BCL9L: variants seen among roughly 807,000 people sequenced by gnomAD.
BCL9L encodes BCL9 like, also known as B-cell CLL/lymphoma 9-like protein.
BCL9L carries 19 observed loss-of-function variants against 99.4 expected under a neutral mutation model. The observed-to-expected ratio is 0.19, with a 90% CI of 0.13 to 0.28. The LOEUF (loss-of-function observed/expected upper bound fraction) is 0.28. Ranked by LOEUF, BCL9L falls within the 10% of genes least tolerant of loss-of-function variation. The probability of loss-of-function intolerance (pLI) is 1.00; values close to 1 mark genes in which losing one functional copy is unlikely to be tolerated. For synonymous variants in BCL9L, 900 were observed against 854.8 expected (o/e 1.05, Z -0.92); for missense variants, 2,023 against 2,101.6 (o/e 0.96, Z 0.73).
intron 1 of BCL9L, among the ~76,000 whole-genome samples, chr11:118,923,568 G>A (rs983634699): frequency 6.6e-6 from 1 of 152,134 alleles, no homozygotes; most frequent in East Asian, 1.9e-4. Flanking sequence ...GACTCATTCT[G>A]AACCTCCATA....
intron 2 of BCL9L, among the ~76,000 whole-genome samples, chr11:118,912,820 GC>G (rs1940848543): frequency 6.6e-6 from 1 of 152,162 alleles, no homozygotes; most frequent in Non-Finnish European, 1.5e-5. Flanking sequence ...AGCTGCCAGG[GC>G]CCCCTGTGAT....
chr11:118,924,762 C>T (rs1941238706), intron 1 of BCL9L, among the ~76,000 whole-genome samples: 1 of 152,206 alleles, frequency 6.6e-6, no homozygotes, highest in South Asian at 2.1e-4. Context: ...CAGTCACAGC[C>T]CCCGCTACTC....
Position 118,903,526 on chromosome 11 carries a change from T to A in BCL9L, c.533-74A>T. 6.8e-7 allele frequency: 1 copy of A among 1,478,328 alleles called. No homozygotes were observed. 91.6% of individuals were successfully genotyped at this position (1,478,328 alleles called of 1,614,324 possible). A position where few individuals can be genotyped will look rare whatever the true frequency, so the allele number is the denominator to read the frequency against. On this transcript the variant is annotated intron_variant, in intron 5 of 9. Coordinates refer to ENST00000683865, the MANE Select transcript of BCL9L (RefSeq NM_001378213.1). This position sits in a 1 kb window ranked among gnomAD's most constrained non-coding sequence, Gnocchi z 5.6. ...AGGACCAGCTGATGCCCCCTCCCAC[T>A]GATGCTCACAGCCTTACAGCTCGTG...
rs538998930 is a variant in BCL9L at position 118,908,264 on chromosome 11, G to A, written c.412+6C>T. ...CTAGGGTCTTAGGGATGAGGAAATG[G>A]GGTACCTTTGGCCTCTGAATCCAGG... On this transcript the variant is annotated splice_donor_region_variant and intron_variant, in intron 4 of 9. Transcript: ENST00000683865. 20 of 1,538,190 alleles carry A rather than the reference G, an allele frequency of 1.3e-5. No homozygotes were observed. The South Asian group carries it at 2.6e-4, about 20-fold the overall frequency.
Position 118,908,446 on chromosome 11 carries a change from T to G in BCL9L, c.236A>C (p.Asn79Thr). The G allele has an allele frequency of 6.2e-7, 1 of 1,613,966 alleles. No individual in the cohort carries two copies. The highest frequency in any genetic ancestry group is 8.5e-7 in the Non-Finnish European group (1 of 1,179,914). Residue 79 changes from asparagine to threonine, a missense_variant, in exon 4 of 10, where the codon AAC (asparagine) becomes ACC (threonine). Transcript: ENST00000683865. Reference protein sequence around the residue: ...NVGSKGVGAGNHGAKANQISP... With the variant: ...NVGSKGVGAGTHGAKANQISP... ...GATCTGGTTGGCCTTGGCCCCATGG[T>G]TCCCCGCCCCCACGCCCTTCGAGCC...
In BCL9L at chr11:118,922,923, T is replaced by TG. The variant is rs1313353225; in HGVS notation, c.-131+2314dup. 6.6e-6 allele frequency among the ~76,000 whole-genome samples: 1 copy of TG among 152,036 alleles called. No individual in the cohort carries two copies. The highest frequency in any genetic ancestry group is 1.5e-5 in the Non-Finnish European group (1 of 67,944). The stretch of plus-strand genomic sequence containing the variant: ...TCTGATTCTGGGAAGACTGGAAACT[T>TG]GAACACCCCAGCTCTCCAGAGCTGT... On this transcript the variant is annotated intron_variant, in intron 1 of 9. Transcript: ENST00000683865. The surrounding 1 kb of genome is among the most constrained non-coding windows in gnomAD (Gnocchi z 6.2).
At chr11:118,917,490 A>G (rs575719864) in intron 2 of BCL9L, among the ~76,000 whole-genome samples, 1 of 152,296 alleles carries the variant, frequency 6.6e-6, no homozygotes, top group South Asian at 2.1e-4. Flanking sequence ...ATAATTTTAG[A>G]AGAAGCAGGA....
chr11:118,902,650 G>A lies in BCL9L; in HGVS notation c.1093C>T (p.Leu365=). 6.3e-7 allele frequency: 1 copy of A among 1,599,804 alleles called. No individual in the cohort carries two copies. Among genetic ancestry groups the A allele is most frequent in the East Asian group, 2.2e-5 (1 of 44,852 alleles). ...TPTATTANNP[L]PPGGDPSSAP... ...CTGCTGGGGTCTCCTCCAGGAGGCAGAGGGTTGTTGGCGGTGGTAGCCGTC... is the reference window on the plus strand; with the variant it reads ...CTGCTGGGGTCTCCTCCAGGAGGCAAAGGGTTGTTGGCGGTGGTAGCCGTC... Residue 365 remains leucine (L), a synonymous_variant, in exon 8 of 10, where the codon CTG becomes TTG. Coordinates refer to ENST00000683865, the MANE Select transcript of BCL9L (RefSeq NM_001378213.1). This position sits in a 1 kb window ranked among gnomAD's most constrained non-coding sequence, Gnocchi z 7.8.
chr11:118,905,328 G>C (rs1316466029), intron 5 of BCL9L, among the ~76,000 whole-genome samples: 5 of 152,014 alleles, frequency 3.3e-5, no homozygotes, highest in African/African-American at 1.2e-4. Context: ...GGCCATAATG[G>C]TGAAACTCCA....
chr11:118,919,032 T>C (rs560844487), intron 1 of BCL9L, among the ~76,000 whole-genome samples, 153 bp from the exon 2 acceptor site: 4 of 144,376 alleles, frequency 2.8e-5, no homozygotes, highest in African/African-American at 1.0e-4. Flanking sequence ...AGCTACTCAA[T>C]TGCCACCCCC....
intron 2 of BCL9L, among the ~76,000 whole-genome samples, chr11:118,917,200 T>A (rs949005929): frequency 6.6e-6 from 1 of 152,048 alleles, no homozygotes; most frequent in African/African-American, 2.4e-5. Flanking sequence ...AGGCTGTCTC[T>A]TCCCCACCCC....
intron 2 of BCL9L, among the ~76,000 whole-genome samples, chr11:118,915,490 C>A (rs909828902): frequency 4.6e-5 from 7 of 152,276 alleles, no homozygotes; most frequent in African/African-American, 1.7e-4. Context: ...TTGGCTCCTC[C>A]CCTGCCCTCC....
rs1400159751 is a variant in BCL9L at position 118,898,970 on chromosome 11, C to T, written c.3945G>A (p.Arg1315=). The change falls in exon 10 of 10, where the codon CGG becomes CGA. Residue 1315 remains arginine, a synonymous_variant. Transcript: ENST00000683865. ...LNDPELSEVI[R]PTPTGIPEFD... ...ACTCGGGGATCCCCGTTGGGGTGGG[C>T]CGGATCACCTCGCTCAGCTCGGGGT... is the stretch of plus-strand genomic sequence containing the variant. 2 of 1,613,100 alleles carry T rather than the reference C, an allele frequency of 1.2e-6. No individual in the cohort carries two copies. The highest frequency in any genetic ancestry group is 8.5e-7 in the Non-Finnish European group (1 of 1,179,344).
At chr11:118,917,693 G>A (rs1249087743) in intron 2 of BCL9L, among the ~76,000 whole-genome samples, 3 of 152,056 alleles carry the variant, frequency 2.0e-5, no homozygotes, top group South Asian at 2.1e-4. Flanking sequence ...AGAGAGCACC[G>A]CTCCCCACTC....
rs912680220 is a variant in BCL9L, at chr11:118,922,443, T to C, written c.-131+2795A>G. Among the ~76,000 whole-genome samples, 1 of 152,146 alleles carries C rather than the reference T, an allele frequency of 6.6e-6. No individual in the cohort carries two copies. Among genetic ancestry groups the C allele is most frequent in the African/African-American group, 2.4e-5 (1 of 41,430 alleles). ...TCCTCTGGCCAGTTAGAGCTTCCCTTCCTCAGTTCCCTGAGGGCAGCCCCC... is the reference window on the plus strand; with the variant it reads ...TCCTCTGGCCAGTTAGAGCTTCCCTCCCTCAGTTCCCTGAGGGCAGCCCCC... On this transcript the variant is annotated intron_variant, in intron 1 of 9. Coordinates refer to ENST00000683865, the MANE Select transcript of BCL9L (RefSeq NM_001378213.1). The surrounding 1 kb of genome is among the most constrained non-coding windows in gnomAD (Gnocchi z 6.2).
At position 118,901,720 on chromosome 11, in the gene BCL9L, G is replaced by A. The variant is rs375270477; in HGVS notation, c.2023C>T (p.Arg675Cys). Residue 675 changes from arginine to cysteine, a missense_variant, in exon 8 of 10, where the codon CGT becomes TGT. Coordinates refer to ENST00000683865, the MANE Select transcript of BCL9L (RefSeq NM_001378213.1). This position sits in a 1 kb window ranked among gnomAD's most constrained non-coding sequence, Gnocchi z 6.6. ...AGCTGGTGCCGCAGCAGCTCCTCAC[G>A]GACCCGGGGAGTCATGAATCGCTCC... is the stretch of plus-strand genomic sequence containing the variant. ...EAERFMTPRV[R>C]EELLRHQLLE... The A allele has an allele frequency of 1.1e-5, 17 of 1,613,462 alleles. No individual in the cohort carries two copies. The highest frequency in any genetic ancestry group is 4.5e-5 in the East Asian group (2 of 44,894).
intron 2 of BCL9L, among the ~76,000 whole-genome samples, chr11:118,912,790 T>G (rs1940847691): frequency 6.6e-6 from 1 of 152,008 alleles, no homozygotes. Context: ...AGGAAATGTT[T>G]TGGAGGGTTC....
chr11:118,917,643 A>C (rs1453698219), intron 2 of BCL9L, among the ~76,000 whole-genome samples: 1 of 152,116 alleles, frequency 6.6e-6, no homozygotes, highest in East Asian at 1.9e-4. Context: ...TCCTCCCTCC[A>C]TGCCTGATGT....
chr11:118,918,478 G>A (rs929177836), intron 2 of BCL9L, among the ~76,000 whole-genome samples: 7 of 152,014 alleles, frequency 4.6e-5, no homozygotes, highest in Non-Finnish European at 8.8e-5. Flanking sequence ...GCGATTGGGC[G>A]GAATCTCCTT....
Sources: allele counts gnomAD v4.1 joint callset (sites outside exome capture counted in the v4.1 genomes callset), GRCh38; gene constraint gnomAD v4.1.1; non-coding constraint Gnocchi (gnomAD v3.1); transcripts MANE v1.5; gene names NCBI Gene and HGNC (gene_info 2026-07-23, HGNC 2026-07-21).